Variants in CLYBL observed in about 807,000 individuals in gnomAD.
CLYBL encodes the protein citramalyl-CoA lyase, mitochondrial.
CLYBL carries 31 observed loss-of-function variants against 38.9 expected under a neutral mutation model. The ratio of observed to expected loss-of-function variants is 0.80; its 90% CI spans 0.60 to 1.08. The LOEUF is 1.08. Among genes scored for constraint, CLYBL ranks in the 50% least tolerant of loss-of-function variants. CLYBL has a pLI of 0.00. For synonymous variants in CLYBL, 171 were observed against 158.6 expected (o/e 1.08, Z -0.59); for missense variants, 434 against 411.6 (o/e 1.05, Z -0.47).
intron 7 of CLYBL, among the ~76,000 whole-genome samples, chr13:99,885,290 T>C (rs74113451): frequency 0.047 from 7,146 of 152,196 alleles, 543 homozygotes; most frequent in African/African-American, 0.16. Flanking sequence ...CCTTGACATC[T>C]GGAAGCATCA....
intron 2 of CLYBL, among the ~76,000 whole-genome samples, chr13:99,783,112 G>A (rs1421900490): frequency 1.3e-5 from 2 of 150,962 alleles, no homozygotes; most frequent in Admixed American, 6.6e-5. Context: ...GCATGATCTC[G>A]GCTCACTGTA....
chr13:99,908,564 A>C (rs1298188448), exon 10 of CLYBL, among the ~76,000 whole-genome samples: 1 of 152,218 alleles, frequency 6.6e-6, no homozygotes, highest in East Asian at 1.9e-4. Flanking sequence ...ATGGGTAACC[A>C]ATGCCCTTAG....
chr13:99,859,608 C>G (rs903030515), intron 3 of CLYBL, among the ~76,000 whole-genome samples: 4 of 152,174 alleles, frequency 2.6e-5, no homozygotes, highest in Admixed American at 1.3e-4. Context: ...GAACAGTTCT[C>G]TAGTGCATCC....
At chr13:99,895,876 C>G (rs1555326758), downstream of CLYBL, 1 of 151,660 alleles carries the variant, frequency 6.6e-6, no homozygotes, top group Non-Finnish European at 1.5e-5. Context: ...CATTTGGGGA[C>G]TTCTTTGTCA....
intron 1 of CLYBL, among the ~76,000 whole-genome samples, chr13:99,719,695 A>G (rs1045840506): frequency 4.0e-5 from 6 of 151,598 alleles, no homozygotes; most frequent in Admixed American, 2.0e-4. Flanking sequence ...TTTAGTAGAG[A>G]TGGGGTTTCA....
chr13:99,815,560 G>T (rs1250540188), intron 2 of CLYBL, among the ~76,000 whole-genome samples: 1 of 152,264 alleles, frequency 6.6e-6, no homozygotes, highest in East Asian at 1.9e-4. Context: ...ATTCCAGCTT[G>T]AGTGACAGAG....
intron 1 of CLYBL, among the ~76,000 whole-genome samples, chr13:99,729,944 C>T (rs1452609221): frequency 4.6e-5 from 7 of 152,156 alleles, no homozygotes; most frequent in Admixed American, 3.3e-4. Flanking sequence ...CTGCCACCGT[C>T]GGTCCCTCAT....
chr13:99,888,425 A>G (rs2052405483), intron 7 of CLYBL, among the ~76,000 whole-genome samples: 1 of 152,174 alleles, frequency 6.6e-6, no homozygotes, highest in Non-Finnish European at 1.5e-5. Flanking sequence ...AATTATAGCT[A>G]TTATTATTAC....
intron 1 of CLYBL, among the ~76,000 whole-genome samples, chr13:99,683,227 G>C (rs969034400): frequency 6.7e-6 from 1 of 148,204 alleles, no homozygotes; most frequent in Non-Finnish European, 1.5e-5. Context: ...GCTTGCAGGT[G>C]CCCCCCCCTA....
intron 2 of CLYBL, among the ~76,000 whole-genome samples, chr13:99,794,024 C>T (rs1355745530): frequency 6.6e-6 from 1 of 152,054 alleles, no homozygotes; most frequent in Admixed American, 6.5e-5. Context: ...TTACTTATTC[C>T]AAATATAGCT....
intron 6 of CLYBL, among the ~76,000 whole-genome samples, chr13:99,867,018 G>A (rs971176126): frequency 6.6e-6 from 1 of 152,110 alleles, no homozygotes; most frequent in Admixed American, 6.5e-5. Context: ...CTGTTGATTG[G>A]TGTGCCTGGT....
At chr13:99,754,428 A>AAAAAAAAAAAC in intron 1 of CLYBL, among the ~76,000 whole-genome samples, 1 of 150,342 alleles carries the variant, frequency 6.7e-6, no homozygotes, top group African/African-American at 2.4e-5. Flanking sequence ...AAAAAAAAAA[A>AAAAAAAAAAAC]AAAAAAAAAA....
At chr13:99,672,189 T>TC (rs1310260533) in intron 1 of CLYBL, among the ~76,000 whole-genome samples, 1 of 134,912 alleles carries the variant, frequency 7.4e-6, no homozygotes, top group Non-Finnish European at 1.7e-5. Flanking sequence ...TTCGGGAATT[T>TC]CTTTTTTTTT....
intron 1 of CLYBL, among the ~76,000 whole-genome samples, chr13:99,695,002 C>T (rs1278251081): frequency 4.6e-5 from 7 of 152,264 alleles, no homozygotes; most frequent in South Asian, 2.1e-4. Context: ...TCAGCATGTT[C>T]GCGAAGTCCT....
At position 99,870,934 on chromosome 13, in the gene CLYBL, G is replaced by A; in HGVS notation, c.803-4G>A. 6.3e-7 allele frequency: 1 copy of A among 1,595,356 alleles called. No homozygotes were observed. Among genetic ancestry groups the A allele is most frequent in the Non-Finnish European group, 8.5e-7 (1 of 1,173,342 alleles). On this transcript the variant is annotated splice_region_variant and splice_polypyrimidine_tract_variant and intron_variant, in intron 6 of 8. Transcript: ENST00000339105. ...TGGTTCCGATGTTATTAATATTCTT[G>A]TAGGTAAGCAGGTGATTCACCCTAA...
intron 1 of CLYBL, among the ~76,000 whole-genome samples, chr13:99,621,481 G>A (rs2046796084): frequency 6.6e-6 from 1 of 152,176 alleles, no homozygotes; most frequent in Admixed American, 6.5e-5. Flanking sequence ...GTGTTAAGGT[G>A]ATCGAGATGC....
At chr13:99,818,275 G>A (rs1411311608) in intron 2 of CLYBL, among the ~76,000 whole-genome samples, 1 of 152,144 alleles carries the variant, frequency 6.6e-6, no homozygotes, top group Non-Finnish European at 1.5e-5. Context: ...GATAGCATGT[G>A]AGTAGAAAGG....
chr13:99,842,833 G>T (rs2051115348), intron 2 of CLYBL, among the ~76,000 whole-genome samples: 1 of 152,164 alleles, frequency 6.6e-6, no homozygotes. Flanking sequence ...CTCGAGCCCA[G>T]GAGTTTGAGG....
At chr13:99,773,092 G>A in intron 2 of CLYBL, 82 bp downstream of exon 2, 1 of 1,183,716 alleles carries the variant, frequency 8.4e-7, no homozygotes, top group Non-Finnish European at 1.2e-6. Context: ...CCCGCTATTT[G>A]GAAAGATTCT....
Sources: gnomAD v4.1 joint callset for allele counts (sites outside exome capture counted in the v4.1 genomes callset) on GRCh38, gnomAD v4.1.1 for gene constraint, MANE v1.5 for transcripts, NCBI Gene and HGNC (gene_info 2026-07-23, HGNC 2026-07-21) for gene names.